The following NWD2 variants were observed in gnomAD, a reference collection of about 807,000 sequenced individuals.
NWD2 encodes NACHT and WD repeat domain-containing protein 2.
In NWD2, 37 loss-of-function variants were observed where a neutral mutation model predicts 132.7. The ratio of observed to expected loss-of-function variants is 0.28; its 90% CI spans 0.21 to 0.37. The LOEUF is 0.37. Among genes scored for constraint, NWD2 ranks in the 10% least tolerant of loss-of-function variants. The probability of loss-of-function intolerance (pLI) is 1.00; values close to 1 mark genes in which losing one functional copy is unlikely to be tolerated. For missense variants in NWD2, 1,592 were observed against 2,122.4 expected, an observed-to-expected ratio of 0.75 and a Z score of 4.91; for synonymous variants, 705 against 803.0, an observed-to-expected ratio of 0.88 and a Z score of 2.06.
chr4:37,334,930 C>T (rs1385268689), intron 2 of NWD2, among the ~76,000 whole-genome samples: 8 of 152,092 alleles, frequency 5.3e-5, no homozygotes, highest in Admixed American at 2.0e-4. Context: ...TCCTTTTGTT[C>T]GTATCTGTAT....
At chr4:37,342,093 C>T (rs1719538595) in intron 2 of NWD2, among the ~76,000 whole-genome samples, 1 of 152,150 alleles carries the variant, frequency 6.6e-6, no homozygotes, top group African/African-American at 2.4e-5. Flanking sequence ...CTCCAAATCT[C>T]ATGTTGAAAT....
chr4:37,404,685 G>A (rs565371568), intron 3 of NWD2, among the ~76,000 whole-genome samples: 1 of 152,300 alleles, frequency 6.6e-6, no homozygotes, highest in East Asian at 1.9e-4. Context: ...AAGAAAAGAG[G>A]TTAACTGGCT....
intron 2 of NWD2, among the ~76,000 whole-genome samples, chr4:37,351,007 G>T (rs1270507714): frequency 6.6e-6 from 1 of 152,200 alleles, no homozygotes; most frequent in East Asian, 1.9e-4. Context: ...TGTTGAACCA[G>T]CCTTGCATCC....
intron 3 of NWD2, among the ~76,000 whole-genome samples, chr4:37,374,203 G>A (rs1180869469): frequency 6.6e-6 from 1 of 152,170 alleles, no homozygotes; most frequent in Admixed American, 6.5e-5. Flanking sequence ...GATTTAAAGA[G>A]CCTGGCACCT....
chr4:37,327,118 G>A (rs1017211754), intron 2 of NWD2, among the ~76,000 whole-genome samples: 1 of 152,108 alleles, frequency 6.6e-6, no homozygotes, highest in Non-Finnish European at 1.5e-5. Flanking sequence ...GGTCCCAATT[G>A]TTACATAATT....
chr4:37,267,486 C>T (rs1429596656), intron 1 of NWD2, among the ~76,000 whole-genome samples: 1 of 151,852 alleles, frequency 6.6e-6, no homozygotes, highest in Non-Finnish European at 1.5e-5. Context: ...GTACCTATTG[C>T]GAAGGGATGC....
chr4:37,398,226 T>C (rs890191214), intron 3 of NWD2, among the ~76,000 whole-genome samples: 1 of 152,128 alleles, frequency 6.6e-6, no homozygotes. Context: ...TCCAGGGTCA[T>C]AAACAAAATG....
chr4:37,282,236 G>A (rs1440007086), intron 1 of NWD2, among the ~76,000 whole-genome samples: 1 of 151,928 alleles, frequency 6.6e-6, no homozygotes, highest in South Asian at 2.1e-4. Context: ...TTAAGAATAG[G>A]GTGTGCATTC....
intron 4 of NWD2, 70 bp downstream of exon 4, chr4:37,430,845 G>T (rs1451050780): frequency 7.2e-7 from 1 of 1,379,446 alleles, no homozygotes; most frequent in African/African-American, 1.4e-5. Context: ...TGTCATCCGG[G>T]GTGGTGCTGC....
intron 2 of NWD2, among the ~76,000 whole-genome samples, chr4:37,354,503 C>T (rs911691670): frequency 5.3e-5 from 8 of 152,202 alleles, no homozygotes; most frequent in Non-Finnish European, 7.4e-5. Context: ...TCTATAAGCC[C>T]CTGACTGGGC....
chr4:37,385,173 C>A (rs1194461872), intron 3 of NWD2, among the ~76,000 whole-genome samples: 1 of 152,176 alleles, frequency 6.6e-6, no homozygotes, highest in Non-Finnish European at 1.5e-5. Flanking sequence ...AGAGCCCCAA[C>A]TGCCTTGACT....
Position 37,256,984 on chromosome 4 carries a change from G to A in NWD2, c.151+11766G>A, listed in dbSNP as rs138563360. On this transcript the variant is annotated intron_variant, in intron 1 of 6. Coordinates refer to ENST00000309447, the MANE Select transcript of NWD2 (RefSeq NM_001144990.2). ...GCTCTGATTTGGCCAATAGAATATA[G>A]GAGAAGTGTCACTGTACCAGATTTG... Among the ~76,000 whole-genome samples the A allele has an allele frequency of 5.3e-5, 8 of 152,256 alleles. No individual in the cohort carries two copies. The East Asian group carries it at 1.5e-3, about 29-fold the overall frequency.
At chr4:37,369,425 G>GTC (rs1007133252) in intron 3 of NWD2, among the ~76,000 whole-genome samples, 2 of 152,010 alleles carry the variant, frequency 1.3e-5, no homozygotes, top group Admixed American at 1.3e-4. Context: ...CCACTTCCCT[G>GTC]TCTCTATGTC....
intron 1 of NWD2, among the ~76,000 whole-genome samples, chr4:37,323,115 T>G (rs936201474): frequency 3.3e-5 from 5 of 152,012 alleles, no homozygotes; most frequent in African/African-American, 9.7e-5. Context: ...ATGGTAATAA[T>G]GTTACCTATT....
intron 4 of NWD2, among the ~76,000 whole-genome samples, chr4:37,431,022 T>A (rs576695326): frequency 2.6e-5 from 4 of 152,116 alleles, no homozygotes; most frequent in African/African-American, 7.2e-5. Context: ...TAATAGGAGT[T>A]GGAGAGGATG....
At position 37,446,947 on chromosome 4, in the gene NWD2, G is replaced by C; in HGVS notation, c.4959G>C (p.Leu1653=). Residue 1653 remains leucine, a synonymous_variant, in exon 7 of 7, where the codon CTG becomes CTC. Coordinates refer to ENST00000309447, the MANE Select transcript of NWD2 (RefSeq NM_001144990.2). The surrounding 1 kb of genome is among the most constrained non-coding windows in gnomAD (Gnocchi z 6.7). The part of the protein sequence containing the change: ...YTVVDRVDAA[L]KIKIATSNSR... ...TAGTAGACCGTGTAGATGCTGCACT[G>C]AAAATCAAAATTGCCACTTCAAATA... The C allele has an allele frequency of 6.4e-7, 1 of 1,551,476 alleles. No individual in the cohort carries two copies. The highest frequency in any genetic ancestry group is 1.2e-5 in the South Asian group (1 of 84,028).
chr4:37,383,433 C>A (rs1437355890), intron 3 of NWD2, among the ~76,000 whole-genome samples: 1 of 152,122 alleles, frequency 6.6e-6, no homozygotes, highest in Non-Finnish European at 1.5e-5. Flanking sequence ...TTGGAGAATC[C>A]CACCTGGGTA....
chr4:37,362,279 C>T (rs1719995781), intron 3 of NWD2, among the ~76,000 whole-genome samples: 1 of 152,214 alleles, frequency 6.6e-6, no homozygotes, highest in African/African-American at 2.4e-5. Context: ...TTCTATCAAA[C>T]TACCAACGTC....
intron 3 of NWD2, among the ~76,000 whole-genome samples, chr4:37,412,938 C>G (rs1208047492): frequency 1.3e-5 from 2 of 152,124 alleles, no homozygotes; most frequent in African/African-American, 4.8e-5. Context: ...ATGCAGAAAA[C>G]TGAAACTGGA....
Sources: allele counts gnomAD v4.1 joint callset (sites outside exome capture counted in the v4.1 genomes callset), GRCh38; gene constraint gnomAD v4.1.1; non-coding constraint Gnocchi (gnomAD v3.1); transcripts MANE v1.5; gene names NCBI Gene and HGNC (gene_info 2026-07-23, HGNC 2026-07-21).